The following DENND10 variants were observed in gnomAD, a reference collection of about 807,000 sequenced individuals.
DENND10 encodes DENN domain containing 10, also known as DENN domain-containing protein 10.
In DENND10, 24 loss-of-function variants were observed where a neutral mutation model predicts 43.6. The ratio of observed to expected loss-of-function variants is 0.55; its 90% CI spans 0.40 to 0.77. The LOEUF (loss-of-function observed/expected upper bound fraction) is 0.77, where lower values mean the gene tolerates loss of function less well. Ranked by LOEUF, DENND10 falls within the 30% of genes least tolerant of loss-of-function variation. The pLI is 0.00. For missense variants in DENND10, 303 were observed against 429.9 expected (o/e 0.70, Z 2.61); for synonymous variants, 125 against 157.6 (o/e 0.79, Z 1.55).
At chr10:119,123,379 C>T in intron 5 of DENND10, 90 bp from the exon 6 acceptor site, 2 of 925,380 alleles carry the variant, frequency 2.2e-6, no homozygotes, top group Non-Finnish European at 1.7e-6. Flanking sequence ...CTACCCTCTT[C>T]ATTTCCTTCT....
intron 6 of DENND10, among the ~76,000 whole-genome samples, chr10:119,125,182 G>T (rs1845768048): frequency 6.6e-6 from 1 of 151,934 alleles, no homozygotes; most frequent in Non-Finnish European, 1.5e-5. Flanking sequence ...ACGTTGGCCA[G>T]GCTGGTCTCA....
intron 8 of DENND10, among the ~76,000 whole-genome samples, chr10:119,136,109 T>C (rs1481020347): frequency 6.6e-6 from 1 of 151,754 alleles, no homozygotes; most frequent in Non-Finnish European, 1.5e-5. Context: ...GCCTGGGAGG[T>C]CGAGGCTGCA....
rs771095076 is a variant in DENND10 at position 119,123,475 on chromosome 10, G to T, written c.600G>T (p.Leu200=). 22 of 1,612,946 alleles carry T rather than the reference G, an allele frequency of 1.4e-5. No individual in the cohort carries two copies. Among genetic ancestry groups the T allele is most frequent in the Non-Finnish European group, 1.8e-5 (21 of 1,179,126 alleles). The change falls in exon 6 of 9, where the codon CTG becomes CTT. Residue 200 remains leucine, a synonymous_variant. Coordinates refer to ENST00000361432, the MANE Select transcript of DENND10 (RefSeq NM_207009.4). ...TCTTGCCTTGATTCCCCAGGACTCT[G>T]CCTGCCCTGGTGTGGCACCGACAGG... ...IEAVQEFTRT[L]PALVWHRQDW... is the part of the protein sequence containing the mutation.
chr10:119,125,501 C>CTTTTTTTTTTTTTT (rs34630434), intron 6 of DENND10, among the ~76,000 whole-genome samples: 11 of 65,858 alleles, frequency 1.7e-4, no homozygotes, highest in East Asian at 5.9e-4. Context: ...TTCTAGTTTT[C>CTTTTTTTTTTTTTT]TTTTTTTTTT....
chr10:119,128,425 T>C (rs1276804262), intron 6 of DENND10, among the ~76,000 whole-genome samples: 2 of 151,848 alleles, frequency 1.3e-5, no homozygotes, highest in Non-Finnish European at 2.9e-5. Flanking sequence ...CTAGCCAATA[T>C]GGTGAAACCC....
intron 1 of DENND10, 67 bp downstream of exon 1, chr10:119,104,264 G>C: frequency 7.1e-7 from 1 of 1,409,114 alleles, no homozygotes; most frequent in Non-Finnish European, 9.4e-7. Flanking sequence ...CCTCGGCCCG[G>C]GGCAGCCCGG....
At chr10:119,128,279 C>T (rs1448071825) in intron 6 of DENND10, among the ~76,000 whole-genome samples, 1 of 151,836 alleles carries the variant, frequency 6.6e-6, no homozygotes, top group Non-Finnish European at 1.5e-5. Context: ...TGCCACTGCC[C>T]TCCAGCCTGG....
At chr10:119,119,010 AT>A (rs35810229) in intron 4 of DENND10, among the ~76,000 whole-genome samples, 718 of 142,072 alleles carry the variant, frequency 5.1e-3, no homozygotes, top group Non-Finnish European at 7.8e-3. Flanking sequence ...CACCCAGCTA[AT>A]TTTTTTTTTT....
At chr10:119,110,280 T>G (rs1251535426) in intron 2 of DENND10, among the ~76,000 whole-genome samples, 1 of 151,450 alleles carries the variant, frequency 6.6e-6, no homozygotes, top group Admixed American at 6.6e-5. Flanking sequence ...CAAGCGATTC[T>G]TGTGCCTCAG....
At chr10:119,112,986 A>G (rs185067503) in intron 3 of DENND10, among the ~76,000 whole-genome samples, 2 of 151,798 alleles carry the variant, frequency 1.3e-5, no homozygotes, top group African/African-American at 2.4e-5. Context: ...AGTAACTGAG[A>G]TTACAGGTGG....
chr10:119,117,607 G>A lies in DENND10; in HGVS notation c.421G>A (p.Gly141Ser), dbSNP rs777173813. The A allele has an allele frequency of 9.9e-6, 16 of 1,614,058 alleles. No homozygotes were observed. Among genetic ancestry groups the A allele is most frequent in the East Asian group, 2.2e-5 (1 of 44,886 alleles). The change falls in exon 4 of 9, where the codon GGC becomes AGC. Residue 141 changes from glycine to serine, a missense_variant. Physicochemically the swap from Gly to Ser is moderately conservative, Grantham distance 56. Coordinates refer to ENST00000361432, the MANE Select transcript of DENND10 (RefSeq NM_207009.4). ...GGGGATATGCCAGAGTGAAGAAAAC[G>A]GCTCTTTCCTTAGTAAGGATTTTGA... ...TKGICQSEEN[G>S]SFLSKDFDAR...
In DENND10 at chr10:119,129,409, T is replaced by C. The variant is rs138707547; in HGVS notation, c.695-106T>C. The C allele has an allele frequency of 4.9e-4, 348 of 706,456 alleles. 1 individual carries two copies. Among genetic ancestry groups the C allele is most frequent in the Non-Finnish European group, 8.0e-4 (313 of 391,328 alleles). The allele number at this position is 706,456 out of a possible 1,614,324, so 43.8% of individuals were successfully genotyped here. On this transcript the variant is annotated intron_variant, in intron 6 of 8. Transcript: ENST00000361432. ...GGTACAGCTAATGTTCCCGAATGAA[T>C]AAAGCAGTGAAAGAGAGCAGTCGAT...
rs766120052 is a variant in DENND10, at chr10:119,107,963, C to A, written c.56-5C>A. On this transcript the variant is annotated splice_polypyrimidine_tract_variant and splice_region_variant and intron_variant, in intron 1 of 8. Coordinates refer to ENST00000361432, the MANE Select transcript of DENND10 (RefSeq NM_207009.4). ...ATTCTCACAGTGACCATCTTTCCAC[C>A]GTAGAAAAGGACACAAATGGAGAAG... 9.9e-6 allele frequency: 16 copies of A among 1,613,522 alleles called. No individual in the cohort carries two copies. The African/African-American group carries it at 1.6e-4, about 16-fold the overall frequency.
At chr10:119,111,803 A>T in intron 2 of DENND10, 46 bp from the exon 3 acceptor site, 1 of 1,390,950 alleles carries the variant, frequency 7.2e-7, no homozygotes, top group Non-Finnish European at 1.0e-6. Context: ...AAATTCTGCT[A>T]AAGTGTATTT....
chr10:119,111,590 TA>T (rs1844978193), intron 2 of DENND10, among the ~76,000 whole-genome samples: 1 of 150,818 alleles, frequency 6.6e-6, no homozygotes, highest in Non-Finnish European at 1.5e-5. Flanking sequence ...ACTTTTTTTA[TA>T]TTTGAGTGAA....
chr10:119,125,589 C>T (rs1198841947), intron 6 of DENND10, among the ~76,000 whole-genome samples: 2 of 149,456 alleles, frequency 1.3e-5, no homozygotes, highest in Non-Finnish European at 3.0e-5. Context: ...CATACTACGG[C>T]CTCCACCTCC....
intron 4 of DENND10, among the ~76,000 whole-genome samples, chr10:119,118,752 C>T (rs914492279): frequency 6.6e-6 from 1 of 151,874 alleles, no homozygotes; most frequent in African/African-American, 2.4e-5. Flanking sequence ...CTCACTGTAG[C>T]CTTAACTTCC....
chr10:119,128,616 A>AC (rs895933088), intron 6 of DENND10, among the ~76,000 whole-genome samples: 1 of 151,768 alleles, frequency 6.6e-6, no homozygotes. Flanking sequence ...AAAAAAAAAA[A>AC]ACAAAAAAAC....
chr10:119,112,001 A>C (rs1845000061), intron 3 of DENND10, 73 bp downstream of exon 3: 2 of 1,156,372 alleles, frequency 1.7e-6, no homozygotes, highest in Non-Finnish European at 2.6e-6. Context: ...GCAGATTTCT[A>C]CACTGAGAAA....
Sources: gnomAD v4.1 joint callset for allele counts (sites outside exome capture counted in the v4.1 genomes callset) on GRCh38, gnomAD v4.1.1 for gene constraint, MANE v1.5 for transcripts, NCBI Gene and HGNC (gene_info 2026-07-23, HGNC 2026-07-21) for gene names.